The following NRG3 variants were observed in gnomAD, a reference collection of about 807,000 sequenced individuals.
The protein encoded by NRG3 is neuregulin 3, also known as pro-neuregulin-3, membrane-bound isoform.
NRG3 carries 31 observed loss-of-function variants against 66.9 expected under a neutral mutation model. The observed-to-expected ratio is 0.46, with a 90% confidence interval of 0.35 to 0.63. The LOEUF is 0.63. Ranked by LOEUF, NRG3 falls within the 20% of genes least tolerant of loss-of-function variation. The pLI, the probability that NRG3 is intolerant of heterozygous loss-of-function variation, is 0.00. For synonymous variants in NRG3, 393 were observed against 359.4 expected (o/e 1.09, Z -1.06); for missense variants, 910 against 878.9 (o/e 1.04, Z -0.45).
intron 2 of NRG3, among the ~76,000 whole-genome samples, chr10:82,523,141 A>G (rs1473634285): frequency 6.6e-6 from 1 of 152,166 alleles, no homozygotes; most frequent in Non-Finnish European, 1.5e-5. Flanking sequence ...TCTACTATAT[A>G]TTATTTATCA....
At chr10:82,879,467 C>CTTTTTTTTTT (rs201614818) in intron 4 of NRG3, among the ~76,000 whole-genome samples, 2 of 121,846 alleles carry the variant, frequency 1.6e-5, no homozygotes, top group African/African-American at 3.1e-5. Context: ...CTAATGAAGA[C>CTTTTTTTTTT]TTTTTTTTTT....
At chr10:82,984,901 G>T in intron 8 of NRG3, 197 bp from the exon 9 acceptor site, 1 of 1,339,320 alleles carries the variant, frequency 7.5e-7, no homozygotes, top group Non-Finnish European at 1.1e-6. Flanking sequence ...TATTTTCTGT[G>T]TGACCTTGGG....
intron 1 of NRG3, among the ~76,000 whole-genome samples, chr10:82,199,509 T>C (rs1193276887): frequency 6.6e-6 from 1 of 152,226 alleles, no homozygotes; most frequent in Non-Finnish European, 1.5e-5. Context: ...TAAACTGATC[T>C]GTTAATACAC....
At chr10:82,210,067 G>GA (rs2075321939) in intron 1 of NRG3, among the ~76,000 whole-genome samples, 1 of 152,148 alleles carries the variant, frequency 6.6e-6, no homozygotes, top group African/African-American at 2.4e-5. Flanking sequence ...ACTCTCCTGA[G>GA]AAAATTCATG....
intron 2 of NRG3, among the ~76,000 whole-genome samples, chr10:82,605,971 A>G (rs2133443540): frequency 6.6e-6 from 1 of 152,106 alleles, no homozygotes; most frequent in African/African-American, 2.4e-5. Flanking sequence ...TATCACTTTT[A>G]TGAGGTTTTT....
chr10:82,208,224 T>C (rs2075222508), intron 1 of NRG3, among the ~76,000 whole-genome samples: 1 of 152,320 alleles, frequency 6.6e-6, no homozygotes, highest in African/African-American at 2.4e-5. Flanking sequence ...GAAGCCTTTC[T>C]GGACTCAGTT....
intron 2 of NRG3, among the ~76,000 whole-genome samples, chr10:82,496,785 C>T (rs1843672006): frequency 6.6e-6 from 1 of 152,090 alleles, no homozygotes; most frequent in East Asian, 1.9e-4. Context: ...TATTTTCTAT[C>T]TAATCAGTTT....
chr10:82,562,731 C>T (rs1462357455), intron 2 of NRG3, among the ~76,000 whole-genome samples: 1 of 151,798 alleles, frequency 6.6e-6, no homozygotes, highest in African/African-American at 2.4e-5. Context: ...CAGCACCATT[C>T]CTCTGGAGTG....
intron 1 of NRG3, among the ~76,000 whole-genome samples, chr10:82,344,323 T>C (rs1198156547): frequency 6.6e-6 from 1 of 151,500 alleles, no homozygotes; most frequent in African/African-American, 2.4e-5. Flanking sequence ...GTTTGGTTTT[T>C]TGTTCTTGCG....
At chr10:82,530,457 A>G (rs1409753049) in intron 2 of NRG3, among the ~76,000 whole-genome samples, 2 of 151,996 alleles carry the variant, frequency 1.3e-5, no homozygotes, top group African/African-American at 2.4e-5. Flanking sequence ...TTCTCTCTAC[A>G]AGGCTTATCC....
At chr10:82,218,810 G>T (rs892216554) in intron 1 of NRG3, among the ~76,000 whole-genome samples, 12 of 152,072 alleles carry the variant, frequency 7.9e-5, no homozygotes, top group African/African-American at 1.7e-4. Context: ...TGTTTCCTGA[G>T]ATTTCACCTT....
intron 2 of NRG3, among the ~76,000 whole-genome samples, chr10:82,384,117 A>G (rs547165968): frequency 3.7e-4 from 57 of 152,224 alleles, no homozygotes; most frequent in African/African-American, 1.3e-3. Flanking sequence ...ATACCTTAAT[A>G]CCATTATATT....
intron 2 of NRG3, among the ~76,000 whole-genome samples, chr10:82,508,678 A>C (rs1844894668): frequency 6.6e-6 from 1 of 152,194 alleles, no homozygotes; most frequent in Non-Finnish European, 1.5e-5. Flanking sequence ...CTTGAATTCA[A>C]AGCATAGACT....
Position 82,104,503 on chromosome 10 carries a change from T to G in NRG3, c.823+228340T>G, listed in dbSNP as rs966678665. ...TTTGTAAAAAAATCAAGAACTTTGT[T>G]GCCACTATCCGTCTTCAGTAAAACT... is the stretch of plus-strand genomic sequence containing the variant. On this transcript the variant is annotated intron_variant, in intron 1 of 8. Transcript: ENST00000372141. 2.6e-5 allele frequency among the ~76,000 whole-genome samples: 4 copies of G among 152,210 alleles called. No homozygotes were observed. In the East Asian group the frequency reaches 7.7e-4, roughly 29 times the overall value.
At chr10:82,664,470 A>T (rs927834500) in intron 2 of NRG3, among the ~76,000 whole-genome samples, 1 of 152,204 alleles carries the variant, frequency 6.6e-6, no homozygotes, top group South Asian at 2.1e-4. Flanking sequence ...GGCATTTCTT[A>T]ATTAATAGGA....
chr10:82,216,791 C>G (rs2075711921), intron 1 of NRG3, among the ~76,000 whole-genome samples: 1 of 151,746 alleles, frequency 6.6e-6, no homozygotes, highest in Non-Finnish European at 1.5e-5. Context: ...ATGTTTTTAC[C>G]AGTATTATTG....
chr10:82,676,404 C>T (rs762761167), intron 2 of NRG3, among the ~76,000 whole-genome samples: 29 of 152,080 alleles, frequency 1.9e-4, no homozygotes, highest in Non-Finnish European at 1.0e-4. Context: ...GGGGACCGCC[C>T]CCAGCCACCC....
chr10:82,259,223 T>C (rs892865622), intron 1 of NRG3, among the ~76,000 whole-genome samples: 2 of 152,198 alleles, frequency 1.3e-5, no homozygotes, highest in Non-Finnish European at 2.9e-5. Context: ...TTCACTTCAG[T>C]TCACTTTCCA....
intron 1 of NRG3, among the ~76,000 whole-genome samples, chr10:81,992,927 G>C (rs1010761064): frequency 6.6e-6 from 1 of 152,158 alleles, no homozygotes; most frequent in Non-Finnish European, 1.5e-5. Context: ...GTCTTTGTGA[G>C]ACTTGCAGTA....
Sources: gnomAD v4.1 joint callset for allele counts (sites outside exome capture counted in the v4.1 genomes callset) on GRCh38, gnomAD v4.1.1 for gene constraint, MANE v1.5 for transcripts, NCBI Gene and HGNC (gene_info 2026-07-23, HGNC 2026-07-21) for gene names.